Variants in SYT1 observed in about 807,000 individuals in gnomAD.
The protein encoded by SYT1 is synaptotagmin 1, also known as synaptotagmin-1.
SYT1 carries 8 observed loss-of-function variants against 44.8 expected under a neutral mutation model. The ratio of observed to expected loss-of-function variants is 0.18; its 90% confidence interval spans 0.10 to 0.32. SYT1 has a LOEUF of 0.32. Among genes scored for constraint, SYT1 ranks in the 10% least tolerant of loss-of-function variants. SYT1 has a pLI of 1.00. For synonymous variants in SYT1, 154 were observed against 188.8 expected (o/e 0.82, Z 1.51); for missense variants, 286 against 509.3 (o/e 0.56, Z 4.22).
intron 1 of SYT1, among the ~76,000 whole-genome samples, chr12:78,907,459 A>G (rs577183032): frequency 1.3e-5 from 2 of 152,090 alleles, no homozygotes; most frequent in East Asian, 3.9e-4. Flanking sequence ...TATATTATAT[A>G]TTAGCTCTCT....
chr12:79,446,767 C>T (rs1870758229), intron 10 of SYT1, among the ~76,000 whole-genome samples: 3 of 152,224 alleles, frequency 2.0e-5, no homozygotes, highest in Middle Eastern at 3.4e-3. Context: ...AACCAGCGGG[C>T]CCCCTGCTTT....
chr12:79,161,657 A>G (rs1001327320), intron 3 of SYT1, among the ~76,000 whole-genome samples: 3 of 152,160 alleles, frequency 2.0e-5, no homozygotes, highest in Admixed American at 6.6e-5. Flanking sequence ...TCAACTGTCT[A>G]TTTTACAACT....
intron 8 of SYT1, among the ~76,000 whole-genome samples, chr12:79,311,047 G>A (rs1295977772): frequency 6.6e-6 from 1 of 152,218 alleles, no homozygotes; most frequent in African/African-American, 2.4e-5. Context: ...ACTTCCAACA[G>A]TATATTGAAT....
intron 2 of SYT1, among the ~76,000 whole-genome samples, chr12:78,991,632 A>G (rs1343957534): frequency 2.0e-5 from 3 of 152,178 alleles, no homozygotes; most frequent in Admixed American, 6.5e-5. Context: ...AAAATTAGAA[A>G]TTAGACTTTT....
At chr12:79,252,050 T>C (rs1320796795) in intron 4 of SYT1, among the ~76,000 whole-genome samples, 1 of 152,068 alleles carries the variant, frequency 6.6e-6, no homozygotes, top group Non-Finnish European at 1.5e-5. Context: ...TATGGATATT[T>C]GAAGAGCAAA....
intron 9 of SYT1, among the ~76,000 whole-genome samples, chr12:79,422,131 A>G (rs1869158210): frequency 6.6e-6 from 1 of 151,940 alleles, no homozygotes; most frequent in African/African-American, 2.4e-5. Context: ...AATTCACTCT[A>G]TAATATTGTT....
intron 2 of SYT1, among the ~76,000 whole-genome samples, chr12:79,029,774 T>A (rs561621051): frequency 1.7e-3 from 262 of 151,302 alleles, no homozygotes; most frequent in African/African-American, 5.7e-3. Context: ...TATTTTATAA[T>A]CAACTGTATT....
chr12:78,922,761 G>A (rs975573330), intron 1 of SYT1, among the ~76,000 whole-genome samples: 4 of 151,934 alleles, frequency 2.6e-5, no homozygotes, highest in African/African-American at 4.8e-5. Flanking sequence ...TCCCTGGTAT[G>A]CCTCAGAATG....
At chr12:79,165,359 TA>T (rs1388757635) in intron 3 of SYT1, among the ~76,000 whole-genome samples, 1 of 151,966 alleles carries the variant, frequency 6.6e-6, no homozygotes, top group Non-Finnish European at 1.5e-5. Context: ...TCTTCACAAA[TA>T]AAAGCTTTTT....
chr12:79,408,063 A>G (rs1052866475), intron 9 of SYT1, among the ~76,000 whole-genome samples: 2 of 152,146 alleles, frequency 1.3e-5, no homozygotes, highest in Non-Finnish European at 2.9e-5. Context: ...TATCCTGGGT[A>G]TTACACTTGA....
At chr12:79,339,531 G>T (rs1284729115) in intron 8 of SYT1, among the ~76,000 whole-genome samples, 2 of 150,522 alleles carry the variant, frequency 1.3e-5, no homozygotes, top group African/African-American at 4.9e-5. Flanking sequence ...GATTTTTCTT[G>T]TAAATTTGTT....
intron 1 of SYT1, among the ~76,000 whole-genome samples, chr12:78,918,495 A>G (rs919892775): frequency 6.6e-6 from 1 of 152,196 alleles, no homozygotes; most frequent in East Asian, 1.9e-4. Context: ...TGGGTATATG[A>G]GCTGGTTACA....
intron 2 of SYT1, among the ~76,000 whole-genome samples, chr12:78,979,684 T>C (rs1869104546): frequency 6.6e-6 from 1 of 152,128 alleles, no homozygotes; most frequent in Admixed American, 6.5e-5. Flanking sequence ...TCACCTTTAA[T>C]ATGAGTTTTA....
At chr12:79,137,823 A>G (rs1869297830) in intron 3 of SYT1, among the ~76,000 whole-genome samples, 2 of 152,100 alleles carry the variant, frequency 1.3e-5, no homozygotes, top group South Asian at 4.1e-4. Flanking sequence ...GACCTTTCCT[A>G]GCACTGGTAT....
chr12:78,931,573 A>C (rs1308013695), intron 1 of SYT1, among the ~76,000 whole-genome samples: 28 of 152,202 alleles, frequency 1.8e-4, no homozygotes, highest in Non-Finnish European at 1.5e-5. Flanking sequence ...GAAATTGGTT[A>C]CTTAGAACTG....
chr12:79,309,987 GTT>G (rs1880687994), intron 8 of SYT1, among the ~76,000 whole-genome samples: 1 of 152,102 alleles, frequency 6.6e-6, no homozygotes, highest in African/African-American at 2.4e-5. Flanking sequence ...TCTGATGGTA[GTT>G]TCTTTTGCTG....
intron 3 of SYT1, among the ~76,000 whole-genome samples, chr12:79,128,297 G>A (rs1215433544): frequency 6.6e-6 from 1 of 152,166 alleles, no homozygotes; most frequent in African/African-American, 2.4e-5. Context: ...GGAGGCTGAG[G>A]TGGGAGCACC....
At chr12:79,321,642 C>T (rs1337852471) in intron 8 of SYT1, among the ~76,000 whole-genome samples, 3 of 152,142 alleles carry the variant, frequency 2.0e-5, no homozygotes, top group Non-Finnish European at 2.9e-5. Flanking sequence ...TAACAAGGAT[C>T]ATTTAGGCCA....
intron 2 of SYT1, among the ~76,000 whole-genome samples, chr12:78,984,585 CA>C (rs1294765842): frequency 6.6e-6 from 1 of 151,526 alleles, no homozygotes; most frequent in Non-Finnish European, 1.5e-5. Context: ...ATAAAAATTA[CA>C]AATTAGTTTA....
Sources: gnomAD v4.1 joint callset for allele counts (sites outside exome capture counted in the v4.1 genomes callset) on GRCh38, gnomAD v4.1.1 for gene constraint, MANE v1.5 for transcripts, NCBI Gene and HGNC (gene_info 2026-07-23, HGNC 2026-07-21) for gene names.